Variants in TTC38 observed in about 807,000 individuals in gnomAD.
TTC38 encodes the protein tetratricopeptide repeat domain 38.
In TTC38, 64 loss-of-function variants were observed where a neutral mutation model predicts 64.2. The observed-to-expected ratio is 1.00, with a 90% CI of 0.81 to 1.23. TTC38 has a LOEUF of 1.23. Ranked by LOEUF, TTC38 falls within the 50% of genes most tolerant of loss-of-function variation. The probability of loss-of-function intolerance (pLI) is 0.00; values close to 1 mark genes in which losing one functional copy is unlikely to be tolerated. For synonymous variants in TTC38, 254 were observed against 249.3 expected (o/e 1.02, Z -0.18); for missense variants, 573 against 615.5 (o/e 0.93, Z 0.73).
Position 46,268,524 on chromosome 22 carries a change from A to G in TTC38, c.44A>G (p.Asp15Gly), listed in dbSNP as rs539833052. The change falls in exon 2 of 14, where the codon GAT becomes GGT. Residue 15 changes from aspartate to glycine, a missense_variant. Physicochemically the swap from Asp to Gly is moderately conservative, Grantham distance 94. Around this residue, in one of 3 missense-constraint regions of TTC38, gnomAD observed 134 missense variants for 126.5 expected, o/e 1.06. Transcript: ENST00000381031. ...TCTTGCCGTCTGTAGGCCTGGAAGG[A>G]TGCGAGGCTCCCGCTCTCCACCACA... ...SPLRDCQAWK[D>G]ARLPLSTTSN... The G allele has an allele frequency of 5.0e-5, 81 of 1,614,074 alleles. 2 individuals carry two copies. In the South Asian group the frequency reaches 8.7e-4, roughly 17 times the overall value.
intron 2 of TTC38, chr22:46,268,822 C>G (rs1000951022): frequency 2.1e-6 from 1 of 482,022 alleles, no homozygotes; most frequent in African/African-American, 2.0e-5. Flanking sequence ...GTAGCTGGGA[C>G]TACAGGCGCC....
chr22:46,279,140 C>T (rs746027346), intron 6 of TTC38, among the ~76,000 whole-genome samples: 7 of 152,196 alleles, frequency 4.6e-5, no homozygotes, highest in Non-Finnish European at 1.0e-4. Context: ...GAGTGATGAT[C>T]GCCAGTCATG....
rs184501943 is a variant in TTC38 at position 46,281,938 on chromosome 22, G to C, written c.735+220G>C. On this transcript the variant is annotated intron_variant, in intron 7 of 13. Coordinates refer to ENST00000381031, the MANE Select transcript of TTC38 (RefSeq NM_017931.4). The surrounding 1 kb of genome is among the most constrained non-coding windows in gnomAD (Gnocchi z 5.2). ...CATACCTTGCCCTAGGGACTCCACT[G>C]AGGGTCCAGCCCAGACTTCTCTGTC... 2.1e-4 allele frequency: 143 copies of C among 675,336 alleles called. 1 individual carries two copies. The African/African-American group carries it at 2.2e-3, about 10-fold the overall frequency. The allele number at this position is 675,336 out of a possible 1,614,324, so 41.8% of individuals were successfully genotyped here.
In TTC38 at chr22:46,289,395, T is replaced by A; in HGVS notation, c.1083-7T>A. 6.2e-7 allele frequency: 1 copy of A among 1,606,856 alleles called. No individual in the cohort carries two copies. The highest frequency in any genetic ancestry group is 1.3e-5 in the African/African-American group (1 of 75,022). On this transcript the variant is annotated splice_polypyrimidine_tract_variant and splice_region_variant and intron_variant, in intron 11 of 13. Coordinates refer to ENST00000381031, the MANE Select transcript of TTC38 (RefSeq NM_017931.4). ...AGGCAGCTGAGGGCACCGTCTTGGG[T>A]TCGCAGATCCCCAGGGGAGAACTGC...
rs907620718 is a variant in TTC38, at chr22:46,271,217, C to A, written c.112-1118C>A. Among the ~76,000 whole-genome samples, 1 of 152,088 alleles carries A rather than the reference C, an allele frequency of 6.6e-6. No homozygotes were observed. Among genetic ancestry groups the A allele is most frequent in the Admixed American group, 6.6e-5 (1 of 15,262 alleles). ...GGAGCAGGTCACCTGTCAGGAGGAACCTGCCTTTTCTTTCTTTTCTTTTTT... is the reference window on the plus strand; with the variant it reads ...GGAGCAGGTCACCTGTCAGGAGGAAACTGCCTTTTCTTTCTTTTCTTTTTT... On this transcript the variant is annotated intron_variant, in intron 2 of 13. Coordinates refer to ENST00000381031, the MANE Select transcript of TTC38 (RefSeq NM_017931.4). The surrounding 1 kb of genome is among the most constrained non-coding windows in gnomAD (Gnocchi z 5.5).
In TTC38 at chr22:46,275,190, T is replaced by G. The variant is rs1569016073; in HGVS notation, c.366-58T>G. The G allele has an allele frequency of 6.6e-7, 1 of 1,512,454 alleles. No homozygotes were observed. Among genetic ancestry groups the G allele is most frequent in the East Asian group, 2.3e-5 (1 of 44,228 alleles). The allele number at this position is 1,512,454 out of a possible 1,614,324, so 93.7% of individuals were successfully genotyped here. On this transcript the variant is annotated intron_variant, in intron 4 of 13. Coordinates refer to ENST00000381031, the MANE Select transcript of TTC38 (RefSeq NM_017931.4). The surrounding 1 kb of genome is among the most constrained non-coding windows in gnomAD (Gnocchi z 4.5). ...TGGTGAGAAACAATGCCTCTTACAC[T>G]CCCTGTGTGGGTGGACTATGTGTTC...
At chr22:46,278,949 T>C (rs1409766291) in intron 6 of TTC38, among the ~76,000 whole-genome samples, 1 of 152,228 alleles carries the variant, frequency 6.6e-6, no homozygotes, top group Non-Finnish European at 1.5e-5. Flanking sequence ...GTCAGCCTGC[T>C]CACTTAGGGT....
intron 2 of TTC38, chr22:46,268,938 C>T (rs889642186): frequency 3.2e-5 from 11 of 340,946 alleles, no homozygotes; most frequent in South Asian, 1.4e-4. Flanking sequence ...CCGCCCGCCT[C>T]GGCCTCCCAA....
rs1297991611 is a variant in TTC38 at position 46,288,540 on chromosome 22, A to AC, written c.1039dup (p.Gln347ProfsTer41). The AC allele has an allele frequency of 2.6e-5, 42 of 1,612,598 alleles. No individual in the cohort carries two copies. The highest frequency in any genetic ancestry group is 3.5e-5 in the Non-Finnish European group (41 of 1,179,590). On this transcript the variant is annotated frameshift_variant, in exon 11 of 14. Transcript: ENST00000381031. LOFTEE classifies it high-confidence loss of function. ...CTGATGGCATCCCTGGGTGCACACGACCCCCAGACCACACAGGAGCTGCTG... is the reference window on the plus strand; with the variant it reads ...CTGATGGCATCCCTGGGTGCACACGACCCCCCAGACCACACAGGAGCTGCTG...
intron 6 of TTC38, among the ~76,000 whole-genome samples, chr22:46,279,352 A>G (rs1277787895): frequency 6.6e-6 from 1 of 152,174 alleles, no homozygotes. Context: ...TCTGTGTGGC[A>G]CTTCATGTGT....
chr22:46,283,851 CAAAAAAAAAAAAAAAA>C (rs58477670), intron 7 of TTC38, 106 bp from the exon 8 acceptor site: 22 of 210,784 alleles, frequency 1.0e-4, no homozygotes, highest in Non-Finnish European at 1.6e-4. Flanking sequence ...GACTTAGTCT[CAAAAAAAAAAAAAAAA>C]AAAAAAAAAA....
Position 46,275,981 on chromosome 22 carries a change from G to A in TTC38, c.539+560G>A, listed in dbSNP as rs1307611218. ...TACAGTTCTACCGTGTGCTTGGGAA[G>A]AGAAGAAGGCCTGGAATGTGCATGA... On this transcript the variant is annotated intron_variant, in intron 5 of 13. Transcript: ENST00000381031. This position sits in a 1 kb window ranked among gnomAD's most constrained non-coding sequence, Gnocchi z 4.5. Among the ~76,000 whole-genome samples the A allele has an allele frequency of 2.6e-5, 4 of 151,784 alleles. No homozygotes were observed. Among genetic ancestry groups the A allele is most frequent in the Non-Finnish European group, 5.9e-5 (4 of 67,714 alleles).
rs531149228 is a variant in TTC38, at chr22:46,283,001, T to C, written c.736-972T>C. On this transcript the variant is annotated intron_variant, in intron 7 of 13. Coordinates refer to ENST00000381031, the MANE Select transcript of TTC38 (RefSeq NM_017931.4). ...TGGAGTGCAGTGGCACAATCAGGGC[T>C]CACCGCAGCCTCGACCGCCTGGGCT... Among the ~76,000 whole-genome samples, 7 of 152,272 alleles carry C rather than the reference T, an allele frequency of 4.6e-5. No homozygotes were observed. In the East Asian group the frequency reaches 1.4e-3, roughly 29 times the overall value.
Position 46,281,730 on chromosome 22 carries a change from G to A in TTC38, c.735+12G>A. On this transcript the variant is annotated intron_variant, in intron 7 of 13. Coordinates refer to ENST00000381031, the MANE Select transcript of TTC38 (RefSeq NM_017931.4). This position sits in a 1 kb window ranked among gnomAD's most constrained non-coding sequence, Gnocchi z 5.2. ...AGACCTTCTGGAAGGTATGATGCTT[G>A]TCAATGGGTCACCTCCCTGGGAAAT... 1 of 1,613,420 alleles carries A rather than the reference G, an allele frequency of 6.2e-7. No homozygotes were observed. Among genetic ancestry groups the A allele is most frequent in the East Asian group, 2.2e-5 (1 of 44,870 alleles).
chr22:46,286,122 A>G lies in TTC38; in HGVS notation c.834+843A>G, dbSNP rs965969874. 2.0e-5 allele frequency among the ~76,000 whole-genome samples: 3 copies of G among 151,504 alleles called. No individual in the cohort carries two copies. In the East Asian group the frequency reaches 5.8e-4, roughly 29 times the overall value. On this transcript the variant is annotated intron_variant, in intron 9 of 13. Coordinates refer to ENST00000381031, the MANE Select transcript of TTC38 (RefSeq NM_017931.4). Reference sequence around the variant, plus strand: ...ACATTCTTCATCTACCCAAACTGAAACCCTATACCCATTAAACACTAACTC... The same window carrying G: ...ACATTCTTCATCTACCCAAACTGAAGCCCTATACCCATTAAACACTAACTC...
At chr22:46,283,026 T>A (rs1219059976) in intron 7 of TTC38, among the ~76,000 whole-genome samples, 1 of 152,166 alleles carries the variant, frequency 6.6e-6, no homozygotes, top group Non-Finnish European at 1.5e-5. Flanking sequence ...CCGCCTGGGC[T>A]CAAGCGATCC....
chr22:46,280,174 C>T (rs2077523357), intron 6 of TTC38: 1 of 471,256 alleles, frequency 2.1e-6, no homozygotes, highest in Non-Finnish European at 4.4e-6. Flanking sequence ...TCTGTGTCTG[C>T]AGCCCCAGGC....
At position 46,273,367 on chromosome 22, in the gene TTC38, C is replaced by G. The variant is rs188676597; in HGVS notation, c.194-531C>G. On this transcript the variant is annotated intron_variant, in intron 3 of 13. Coordinates refer to ENST00000381031, the MANE Select transcript of TTC38 (RefSeq NM_017931.4). This position sits in a 1 kb window ranked among gnomAD's most constrained non-coding sequence, Gnocchi z 5.1. ...CCAAGTTCCAAATGCCAGTGGACACCCTGGCTCTCCCACAGTGGGGCCTGG... is the reference window on the plus strand; with the variant it reads ...CCAAGTTCCAAATGCCAGTGGACACGCTGGCTCTCCCACAGTGGGGCCTGG... 1.2e-3 allele frequency among the ~76,000 whole-genome samples: 189 copies of G among 152,326 alleles called. 5 individuals are homozygous for G. In the East Asian group the frequency reaches 0.033, roughly 27 times the overall value.
intron 8 of TTC38, 58 bp downstream of exon 8, chr22:46,284,090 G>A: frequency 1.4e-6 from 2 of 1,443,862 alleles, no homozygotes; most frequent in South Asian, 1.2e-5. Context: ...GAGGGAGAAA[G>A]ATTTTTCTAG....
Sources: allele counts gnomAD v4.1 joint callset (sites outside exome capture counted in the v4.1 genomes callset), GRCh38; gene constraint gnomAD v4.1.1; regional missense constraint gnomAD v4.1.1; non-coding constraint Gnocchi (gnomAD v3.1); transcripts MANE v1.5; gene names NCBI Gene and HGNC (gene_info 2026-07-23, HGNC 2026-07-21).